The following FAM120A variants were observed in gnomAD, a reference collection of about 807,000 sequenced individuals.
FAM120A encodes constitutive coactivator of PPAR-gamma-like protein 1.
In FAM120A, 15 loss-of-function variants were observed where a neutral mutation model predicts 109.7. That is an observed-to-expected ratio of 0.14 (90% CI 0.09 to 0.21). FAM120A has a LOEUF of 0.21. Among genes scored for constraint, FAM120A ranks in the 10% least tolerant of loss-of-function variants. The pLI, the probability that FAM120A is intolerant of heterozygous loss-of-function variation, is 1.00. For synonymous variants in FAM120A, 493 were observed against 572.8 expected, an observed-to-expected ratio of 0.86 and a Z score of 1.99; for missense variants, 899 against 1,439.3, an observed-to-expected ratio of 0.62 and a Z score of 6.07.
chr9:93,451,852 G>C lies in FAM120A; in HGVS notation c.-64G>C. 1.1e-6 allele frequency: 1 copy of C among 887,790 alleles called. No homozygotes were observed. Among genetic ancestry groups the C allele is most frequent in the Non-Finnish European group, 1.3e-6 (1 of 759,530 alleles). The allele number at this position is 887,790 out of a possible 1,614,324, so 55.0% of individuals were successfully genotyped here. ...GCCCGCCAGCCCGCCCGCGCGCCAC[G>C]GCCCCACCACCCCCGGCCCCGCCGC... On this transcript the variant is annotated 5_prime_UTR_variant, in exon 1 of 18. Coordinates refer to ENST00000277165, the MANE Select transcript of FAM120A (RefSeq NM_014612.5).
At chr9:93,540,449 G>T (rs987743614) in intron 10 of FAM120A, among the ~76,000 whole-genome samples, 1 of 152,194 alleles carries the variant, frequency 6.6e-6, no homozygotes, top group Non-Finnish European at 1.5e-5. Flanking sequence ...TGTGAAAGAG[G>T]ACACTAACCC....
chr9:93,529,342 C>G lies in FAM120A; in HGVS notation c.1507-11C>G, dbSNP rs1861225349. ...CACTCGTTTTCCTCCCTTCTGCTCT[C>G]TGCACTGTAGGCAGAAGGCTCGTCC... On this transcript the variant is annotated splice_polypyrimidine_tract_variant and intron_variant, in intron 8 of 17. Coordinates refer to ENST00000277165, the MANE Select transcript of FAM120A (RefSeq NM_014612.5). The G allele has an allele frequency of 6.3e-7, 1 of 1,591,022 alleles. No individual in the cohort carries two copies. Among genetic ancestry groups the G allele is most frequent in the Non-Finnish European group, 8.6e-7 (1 of 1,169,486 alleles).
At chr9:93,489,606 A>T (rs1288534669) in intron 3 of FAM120A, among the ~76,000 whole-genome samples, 1 of 152,238 alleles carries the variant, frequency 6.6e-6, no homozygotes, top group Non-Finnish European at 1.5e-5. Context: ...GTATACGTGC[A>T]TAGCAGTTTC....
At chr9:93,518,546 A>G (rs1860705655) in intron 7 of FAM120A, among the ~76,000 whole-genome samples, 2 of 152,240 alleles carry the variant, frequency 1.3e-5, no homozygotes, top group African/African-American at 4.8e-5. Flanking sequence ...ATACTTGGGC[A>G]TTTATTTACC....
chr9:93,562,204 T>C lies in FAM120A; in HGVS notation c.2949-4T>C. The stretch of plus-strand genomic sequence containing the variant: ...TTTACTGTTGTCCTTTTTCATTCAT[T>C]TAGGCGTCCAAGAGGAGTTATTTCC... On this transcript the variant is annotated splice_polypyrimidine_tract_variant and splice_region_variant and intron_variant, in intron 16 of 17. Transcript: ENST00000277165. 6.2e-7 allele frequency: 1 copy of C among 1,611,760 alleles called. No individual in the cohort carries two copies. The highest frequency in any genetic ancestry group is 8.5e-7 in the Non-Finnish European group (1 of 1,177,796).
At chr9:93,527,659 G>C (rs1861148360) in intron 8 of FAM120A, among the ~76,000 whole-genome samples, 1 of 97,982 alleles carries the variant, frequency 1.0e-5, no homozygotes, top group Non-Finnish European at 1.9e-5. Context: ...GTCTTGCTCT[G>C]TCACCCAGGC....
intron 3 of FAM120A, among the ~76,000 whole-genome samples, chr9:93,494,486 GC>G (rs1447605475): frequency 6.6e-6 from 1 of 152,150 alleles, no homozygotes; most frequent in African/African-American, 2.4e-5. Context: ...GAGGTCATTT[GC>G]CTCACTCCAG....
rs141388235 is a variant in FAM120A, at chr9:93,511,148, T to G, written c.1031-4519T>G. On this transcript the variant is annotated intron_variant, in intron 5 of 17. Coordinates refer to ENST00000277165, the MANE Select transcript of FAM120A (RefSeq NM_014612.5). ...TAATTTTTCCCGCTGTTCCGAATTC[T>G]TTCACGTGCCACGCAGGATGTGCCT... 2.6e-3 allele frequency among the ~76,000 whole-genome samples: 391 copies of G among 152,220 alleles called. 2 individuals carry two copies. The highest frequency in any genetic ancestry group is 8.6e-3 in the African/African-American group (358 of 41,494).
intron 9 of FAM120A, chr9:93,529,827 T>C (rs2131468210): frequency 1.7e-6 from 1 of 574,890 alleles, no homozygotes; most frequent in African/African-American, 1.9e-5. Context: ...TTTATACTTC[T>C]AATGAAATAA....
At chr9:93,513,176 C>A (rs1860410532) in intron 5 of FAM120A, among the ~76,000 whole-genome samples, 1 of 152,150 alleles carries the variant, frequency 6.6e-6, no homozygotes, top group Non-Finnish European at 1.5e-5. Flanking sequence ...TTATAATATT[C>A]TTTGGACCAA....
At chr9:93,509,674 G>A (rs544761481) in intron 5 of FAM120A, among the ~76,000 whole-genome samples, 1 of 152,154 alleles carries the variant, frequency 6.6e-6, no homozygotes, top group African/African-American at 2.4e-5. Flanking sequence ...TACTAGACTT[G>A]CCCTTTCTTA....
At chr9:93,464,942 T>A (rs1368919107) in intron 1 of FAM120A, among the ~76,000 whole-genome samples, 1 of 152,184 alleles carries the variant, frequency 6.6e-6, no homozygotes, top group Non-Finnish European at 1.5e-5. Flanking sequence ...CATTAAGAAC[T>A]AGAAGTACAC....
At chr9:93,506,699 G>T (rs997270314) in intron 5 of FAM120A, among the ~76,000 whole-genome samples, 10 of 151,960 alleles carry the variant, frequency 6.6e-5, no homozygotes, top group Non-Finnish European at 1.5e-4. Context: ...CTGGGTTCAA[G>T]CAATTCTCCT....
chr9:93,560,984 CAGG>C, intron 15 of FAM120A, 122 bp from the exon 16 acceptor site: 2 of 1,028,084 alleles, frequency 1.9e-6, no homozygotes, highest in Non-Finnish European at 2.8e-6. Context: ...TTGTACAAAA[CAGG>C]AGAAAGTAGC....
chr9:93,487,860 TG>T (rs1178322210), intron 3 of FAM120A, among the ~76,000 whole-genome samples: 1 of 152,234 alleles, frequency 6.6e-6, no homozygotes, highest in Non-Finnish European at 1.5e-5. Context: ...TGCTGGTGTC[TG>T]ACTGTAGGCA....
chr9:93,488,673 G>A (rs1423192065), intron 3 of FAM120A, among the ~76,000 whole-genome samples: 1 of 152,042 alleles, frequency 6.6e-6, no homozygotes, highest in East Asian at 1.9e-4. Flanking sequence ...TTGTCCTCCT[G>A]TATTGTGCTT....
intron 3 of FAM120A, among the ~76,000 whole-genome samples, chr9:93,492,518 G>A (rs1236874551): frequency 6.6e-6 from 1 of 152,256 alleles, no homozygotes; most frequent in South Asian, 2.1e-4. Context: ...CCTCCTGCAC[G>A]TGGGTAGCAA....
intron 10 of FAM120A, among the ~76,000 whole-genome samples, 166 bp from the exon 11 acceptor site, chr9:93,543,056 A>G (rs1013310075): frequency 6.6e-6 from 1 of 152,342 alleles, no homozygotes; most frequent in East Asian, 1.9e-4. Flanking sequence ...GGGACAAACA[A>G]AATACCCACA....
rs1857260738 is a variant in FAM120A, at chr9:93,452,084, C to T, written c.169C>T (p.Leu57Phe). 1 of 1,607,928 alleles carries T rather than the reference C, an allele frequency of 6.2e-7. No homozygotes were observed. Among genetic ancestry groups the T allele is most frequent in the Non-Finnish European group, 8.5e-7 (1 of 1,178,250 alleles). Reference sequence around the variant, plus strand: ...GGACGCCGACAACTGCCTGCACCGCCTCTACGGCGGCTTCTACACCGACTG... The same window carrying T: ...GGACGCCGACAACTGCCTGCACCGCTTCTACGGCGGCTTCTACACCGACTG... ...LVDADNCLHR[L>F]YGGFYTDWVS... is the part of the protein sequence containing the mutation. The change falls in exon 1 of 18, where the codon CTC (leucine) becomes TTC (phenylalanine). Residue 57 changes from leucine (L) to phenylalanine (F), a missense_variant. Physicochemically the swap from Leu to Phe is conservative, Grantham distance 22. This residue lies in a region of FAM120A where 258 missense variants were observed against 451.4 expected (regional missense o/e 0.57). Coordinates refer to ENST00000277165, the MANE Select transcript of FAM120A (RefSeq NM_014612.5). The surrounding 1 kb of genome is among the most constrained non-coding windows in gnomAD (Gnocchi z 7.0).
Sources: allele counts gnomAD v4.1 joint callset (sites outside exome capture counted in the v4.1 genomes callset), GRCh38; gene constraint gnomAD v4.1.1; regional missense constraint gnomAD v4.1.1; non-coding constraint Gnocchi (gnomAD v3.1); transcripts MANE v1.5; gene names NCBI Gene and HGNC (gene_info 2026-07-23, HGNC 2026-07-21).